EAF2: variants seen among roughly 807,000 people sequenced by gnomAD.
The protein encoded by EAF2 is ELL associated factor 2.
Under a neutral mutation model 29.4 loss-of-function variants are expected in EAF2, and 29 were observed. The observed-to-expected ratio is 0.99, with a 90% CI of 0.73 to 1.35. The LOEUF (loss-of-function observed/expected upper bound fraction) is 1.35. EAF2 is among the 40% of genes most tolerant of loss of function. The pLI, the probability that EAF2 is intolerant of heterozygous loss-of-function variation, is 0.00. For missense variants in EAF2, 292 were observed against 312.0 expected, an observed-to-expected ratio of 0.94 and a Z score of 0.48; for synonymous variants, 103 against 102.5, an observed-to-expected ratio of 1.00 and a Z score of -0.03.
At chr3:121,845,587 T>TA (rs1380858550) in intron 2 of EAF2, among the ~76,000 whole-genome samples, 6 of 152,036 alleles carry the variant, frequency 3.9e-5, no homozygotes, top group Non-Finnish European at 2.9e-5. Flanking sequence ...CCATAGGTAT[T>TA]AAAAAACCAT....
chr3:121,872,881 T>G, intron 5 of EAF2, 93 bp downstream of exon 5: 1 of 1,477,974 alleles, frequency 6.8e-7, no homozygotes, highest in South Asian at 1.3e-5. Context: ...AGAAAAAGAT[T>G]CCTATTTTAT....
intron 4 of EAF2, among the ~76,000 whole-genome samples, chr3:121,865,644 T>A (rs758365435): frequency 5.3e-5 from 8 of 151,824 alleles, no homozygotes; most frequent in Admixed American, 3.9e-4. Flanking sequence ...GAGTTTAAGA[T>A]AGCAAGACCC....
chr3:121,861,990 A>C (rs1398302526), intron 4 of EAF2, among the ~76,000 whole-genome samples: 1 of 152,232 alleles, frequency 6.6e-6, no homozygotes, highest in African/African-American at 2.4e-5. Context: ...AGAATGTTGA[A>C]TATTGGCCCC....
chr3:121,853,152 G>A (rs1708660815), intron 2 of EAF2, among the ~76,000 whole-genome samples: 1 of 152,024 alleles, frequency 6.6e-6, no homozygotes, highest in Non-Finnish European at 1.5e-5. Flanking sequence ...CAGACAATGT[G>A]CCATTTCATC....
intron 4 of EAF2, among the ~76,000 whole-genome samples, chr3:121,867,241 T>G (rs1480081928): frequency 6.6e-6 from 1 of 152,146 alleles, no homozygotes; most frequent in Non-Finnish European, 1.5e-5. Flanking sequence ...TAAATAAATA[T>G]GTGCAAAAAC....
chr3:121,846,619 C>G lies in EAF2; in HGVS notation c.201+2072C>G, dbSNP rs536452980. Among the ~76,000 whole-genome samples, 7 of 152,146 alleles carry G rather than the reference C, an allele frequency of 4.6e-5. No homozygotes were observed. The East Asian group carries it at 1.2e-3, about 25-fold the overall frequency. ...GCGAAACTCTGTCTCAAAAAACAAA[C>G]AAACAACAACAACAACAAACAGGAA... On this transcript the variant is annotated intron_variant, in intron 2 of 5. Transcript: ENST00000273668.
intron 1 of EAF2, among the ~76,000 whole-genome samples, chr3:121,841,872 GGT>G (rs1198921741): frequency 2.6e-5 from 4 of 152,064 alleles, no homozygotes; most frequent in Non-Finnish European, 4.4e-5. Context: ...CGGATATGGT[GGT>G]GCACGCCCGT....
At chr3:121,844,352 A>C (rs1401196296) in intron 1 of EAF2, 101 bp from the exon 2 acceptor site, 2 of 716,088 alleles carry the variant, frequency 2.8e-6, no homozygotes, top group South Asian at 1.7e-5. Flanking sequence ...TTTAATTACA[A>C]AGCTCTTGAA....
chr3:121,853,563 A>C (rs1379632535), intron 2 of EAF2, among the ~76,000 whole-genome samples: 1 of 152,114 alleles, frequency 6.6e-6, no homozygotes, highest in South Asian at 2.1e-4. Context: ...CATCCTCCAC[A>C]AGTAGCTGGT....
Position 121,845,459 on chromosome 3 carries a change from A to AAAAAAAAAAAAAAAAAAAG in EAF2, c.201+915_201+916insAAAAAAAAAAAAAAAGAAA, listed in dbSNP as rs71133578. Among the ~76,000 whole-genome samples, 21 of 96,644 alleles carry AAAAAAAAAAAAAAAAAAAG rather than the reference A, an allele frequency of 2.2e-4. 1 individual carries two copies. The highest frequency in any genetic ancestry group is 2.5e-4 in the East Asian group (1 of 4,032). 63.4% of individuals were successfully genotyped at this position (96,644 alleles called of 152,430 possible). A position where few individuals can be genotyped will look rare whatever the true frequency, so the allele number is the denominator to read the frequency against. ...ACATCTCAAAAAAAAAAAAAAAAAA[A>AAAAAAAAAAAAAAAAAAAG]AAAGAAAGAAAGAAAAAGAAAAAGA... On this transcript the variant is annotated intron_variant, in intron 2 of 5. Transcript: ENST00000273668.
intron 3 of EAF2, among the ~76,000 whole-genome samples, chr3:121,856,304 C>T (rs1468770713): frequency 6.8e-6 from 1 of 146,012 alleles, no homozygotes; most frequent in African/African-American, 2.5e-5. Context: ...CTTATCTGTT[C>T]AATTTAAGCA....
intron 1 of EAF2, chr3:121,836,500 C>G (rs1708288774): frequency 3.2e-6 from 1 of 316,046 alleles, no homozygotes; most frequent in South Asian, 1.2e-4. Flanking sequence ...GGTTTTAACC[C>G]TGCAAGAATA....
At chr3:121,859,357 T>G (rs1576646806) in intron 4 of EAF2, among the ~76,000 whole-genome samples, 1 of 152,262 alleles carries the variant, frequency 6.6e-6, no homozygotes, top group South Asian at 2.1e-4. Context: ...GAGCAGTGGT[T>G]TGTATTTCTG....
chr3:121,862,576 C>CT lies in EAF2; in HGVS notation c.484+5426dup, dbSNP rs201144243. Among the ~76,000 whole-genome samples the CT allele has an allele frequency of 9.9e-3, 1,515 of 152,272 alleles. 28 individuals carry two copies. Among genetic ancestry groups the CT allele is most frequent in the African/African-American group, 0.034 (1,425 of 41,544 alleles). ...TATTCTAGTTAGCCATTTGTTTAAT[C>CT]TTTTTTCAAGGTTTTTAGCTTCTTT... On this transcript the variant is annotated intron_variant, in intron 4 of 5. Coordinates refer to ENST00000273668, the MANE Select transcript of EAF2 (RefSeq NM_018456.6).
intron 1 of EAF2, among the ~76,000 whole-genome samples, chr3:121,838,899 A>G (rs1708354150): frequency 6.6e-6 from 1 of 152,222 alleles, no homozygotes; most frequent in Admixed American, 6.5e-5. Flanking sequence ...CAAACAGGCT[A>G]TATAATATGA....
At chr3:121,871,310 A>G (rs746204670) in intron 4 of EAF2, among the ~76,000 whole-genome samples, 29 of 147,358 alleles carry the variant, frequency 2.0e-4, no homozygotes, top group Admixed American at 4.0e-4. Context: ...TATTTGTATG[A>G]AGTTCAAGAA....
chr3:121,857,835 A>G (rs553563679), intron 4 of EAF2, among the ~76,000 whole-genome samples: 8 of 151,908 alleles, frequency 5.3e-5, no homozygotes, highest in African/African-American at 1.9e-4. Context: ...CCCCAACCCC[A>G]TGACAGGCCC....
intron 4 of EAF2, among the ~76,000 whole-genome samples, chr3:121,861,981 G>A (rs924445080): frequency 3.9e-5 from 6 of 152,304 alleles, no homozygotes; most frequent in Admixed American, 3.9e-4. Context: ...TTTTCTTTAA[G>A]AATGTTGAAT....
chr3:121,852,878 A>G (rs2107513924), intron 2 of EAF2, among the ~76,000 whole-genome samples: 1 of 152,332 alleles, frequency 6.6e-6, no homozygotes, highest in Non-Finnish European at 1.5e-5. Context: ...TTAGAAATAC[A>G]TATATGTGGG....
Sources: gnomAD v4.1 joint callset for allele counts (sites outside exome capture counted in the v4.1 genomes callset) on GRCh38, gnomAD v4.1.1 for gene constraint, MANE v1.5 for transcripts, NCBI Gene and HGNC (gene_info 2026-07-23, HGNC 2026-07-21) for gene names.